Variants in ZNF804A observed in about 807,000 individuals in gnomAD.
ZNF804A encodes zinc finger protein 804A.
In ZNF804A, 2 loss-of-function variants were observed where a neutral mutation model predicts 16.5. The ratio of observed to expected loss-of-function variants is 0.12; its 90% confidence interval spans 0.05 to 0.38. The LOEUF (loss-of-function observed/expected upper bound fraction) is 0.38, where lower values mean the gene tolerates loss of function less well. Among genes scored for constraint, ZNF804A ranks in the 10% least tolerant of loss-of-function variants. The pLI is 0.99. For synonymous variants in ZNF804A, 534 were observed against 489.6 expected, an observed-to-expected ratio of 1.09 and a Z score of -1.20; for missense variants, 1,473 against 1,390.7, an observed-to-expected ratio of 1.06 and a Z score of -0.94.
chr2:184,678,994 T>A (rs550283150), intron 1 of ZNF804A, among the ~76,000 whole-genome samples: 2 of 152,282 alleles, frequency 1.3e-5, no homozygotes, highest in East Asian at 1.9e-4. Context: ...ATAGTGAGAC[T>A]CGGTTATAAA....
At chr2:184,805,345 T>A (rs1228125860) in intron 1 of ZNF804A, among the ~76,000 whole-genome samples, 2 of 152,152 alleles carry the variant, frequency 1.3e-5, no homozygotes, top group South Asian at 2.1e-4. Context: ...TGTCTTTAAC[T>A]TACAAATGAT....
At chr2:184,867,112 C>A (rs945829082) in intron 2 of ZNF804A, among the ~76,000 whole-genome samples, 1 of 151,694 alleles carries the variant, frequency 6.6e-6, no homozygotes, top group African/African-American at 2.4e-5. Context: ...TTAATTATTA[C>A]TATCAATTAT....
chr2:184,873,581 T>A (rs1221763384), intron 2 of ZNF804A, among the ~76,000 whole-genome samples: 14 of 152,116 alleles, frequency 9.2e-5, no homozygotes, highest in Admixed American at 9.2e-4. Context: ...TGTAATAACA[T>A]AAAAAGGCAA....
intron 2 of ZNF804A, among the ~76,000 whole-genome samples, chr2:184,871,931 C>T (rs1451120381): frequency 1.3e-5 from 2 of 151,834 alleles, no homozygotes; most frequent in African/African-American, 4.8e-5. Context: ...AGATGATTTT[C>T]AAAACAGAAT....
rs1171704644 is a variant in ZNF804A at position 184,939,040 on chromosome 2, G to T, written c.*14G>T. On this transcript the variant is annotated 3_prime_UTR_variant, in exon 4 of 4. Transcript: ENST00000302277. ...CCTCTCTTCTAGTCATCACCATAATGGGAAAAAAATACTCTTGTGAAAACT... is the reference window on the plus strand; with the variant it reads ...CCTCTCTTCTAGTCATCACCATAATTGGAAAAAAATACTCTTGTGAAAACT... 1 of 1,606,312 alleles carries T rather than the reference G, an allele frequency of 6.2e-7. No individual in the cohort carries two copies. Among genetic ancestry groups the T allele is most frequent in the South Asian group, 1.1e-5 (1 of 90,702 alleles).
chr2:184,629,952 A>G (rs538496107), intron 1 of ZNF804A, among the ~76,000 whole-genome samples: 29 of 152,230 alleles, frequency 1.9e-4, no homozygotes, highest in African/African-American at 6.7e-4. Flanking sequence ...ATCACCATAC[A>G]CTATACATTT....
chr2:184,720,514 C>T (rs943931234), intron 1 of ZNF804A, among the ~76,000 whole-genome samples: 1 of 151,824 alleles, frequency 6.6e-6, no homozygotes, highest in Non-Finnish European at 1.5e-5. Flanking sequence ...TATACTAACT[C>T]CATAAATAAA....
chr2:184,836,732 G>A (rs532757708), intron 1 of ZNF804A, among the ~76,000 whole-genome samples: 22 of 151,008 alleles, frequency 1.5e-4, no homozygotes, highest in Non-Finnish European at 2.4e-4. Context: ...CATCTCTTGC[G>A]TGAGCATTTT....
chr2:184,636,321 T>TGAGAGA (rs147915572), intron 1 of ZNF804A, among the ~76,000 whole-genome samples: 1 of 147,636 alleles, frequency 6.8e-6, no homozygotes, highest in Non-Finnish European at 1.5e-5. Context: ...TGTGTGTGTG[T>TGAGAGA]GAGAGAGAGA....
chr2:184,606,397 A>T (rs1691146159), intron 1 of ZNF804A, among the ~76,000 whole-genome samples: 1 of 152,156 alleles, frequency 6.6e-6, no homozygotes. Context: ...GTGAGAGCTC[A>T]CTTACTATCA....
At chr2:184,714,916 T>C (rs890411519) in intron 1 of ZNF804A, among the ~76,000 whole-genome samples, 2 of 152,174 alleles carry the variant, frequency 1.3e-5, no homozygotes, top group Non-Finnish European at 2.9e-5. Context: ...GCATTACTGC[T>C]TTCCTTTATA....
chr2:184,778,922 A>G (rs1239271593), intron 1 of ZNF804A, among the ~76,000 whole-genome samples: 1 of 151,782 alleles, frequency 6.6e-6, no homozygotes, highest in African/African-American at 2.4e-5. Flanking sequence ...TTCTATATTT[A>G]TAAAGATTAT....
chr2:184,622,210 A>C (rs1691431191), intron 1 of ZNF804A, among the ~76,000 whole-genome samples: 1 of 151,824 alleles, frequency 6.6e-6, no homozygotes, highest in South Asian at 2.1e-4. Context: ...ATCAGGAAAT[A>C]AGTATGATAT....
At chr2:184,798,248 G>A (rs975466691) in intron 1 of ZNF804A, among the ~76,000 whole-genome samples, 1 of 151,866 alleles carries the variant, frequency 6.6e-6, no homozygotes, top group African/African-American at 2.4e-5. Flanking sequence ...AATCTCCCAG[G>A]TGTTCTTTGT....
chr2:184,894,066 GAAC>G (rs1558995028), intron 2 of ZNF804A, among the ~76,000 whole-genome samples: 2 of 151,878 alleles, frequency 1.3e-5, no homozygotes, highest in African/African-American at 4.8e-5. Context: ...CTCTGTTTGA[GAAC>G]AACAATGCAT....
chr2:184,838,200 C>T (rs1695383717), intron 1 of ZNF804A, among the ~76,000 whole-genome samples: 1 of 152,018 alleles, frequency 6.6e-6, no homozygotes. Flanking sequence ...CTTGGGCAAT[C>T]ATGGATTGTG....
chr2:184,896,083 T>C (rs901276239), intron 2 of ZNF804A, among the ~76,000 whole-genome samples: 18 of 152,274 alleles, frequency 1.2e-4, no homozygotes, highest in African/African-American at 4.3e-4. Context: ...ACGTGTTTTT[T>C]TTCTGAAAAT....
intron 1 of ZNF804A, among the ~76,000 whole-genome samples, chr2:184,821,986 T>C (rs982515612): frequency 6.6e-6 from 1 of 152,072 alleles, no homozygotes; most frequent in African/African-American, 2.4e-5. Flanking sequence ...AGTTCAACCA[T>C]TGTGGAAGAC....
intron 2 of ZNF804A, among the ~76,000 whole-genome samples, chr2:184,886,603 A>G (rs1000330444): frequency 3.3e-5 from 5 of 152,332 alleles, no homozygotes; most frequent in African/African-American, 7.2e-5. Flanking sequence ...AGGCATTTCC[A>G]TACATCTTCT....
Sources: gnomAD v4.1 joint callset for allele counts (sites outside exome capture counted in the v4.1 genomes callset) on GRCh38, gnomAD v4.1.1 for gene constraint, MANE v1.5 for transcripts, NCBI Gene and HGNC (gene_info 2026-07-23, HGNC 2026-07-21) for gene names.